Variants in CREB5 observed in about 807,000 individuals in gnomAD.
CREB5 encodes the protein cAMP responsive element binding protein 5.
A neutral mutation model predicts 57.1 loss-of-function variants in CREB5; 19 were observed. The observed-to-expected ratio is 0.33, with a 90% confidence interval of 0.23 to 0.49. The LOEUF is 0.49. CREB5 is among the 20% of genes least tolerant of loss of function. The probability of loss-of-function intolerance (pLI) is 0.99; values close to 1 mark genes in which losing one functional copy is unlikely to be tolerated. For synonymous variants in CREB5, 238 were observed against 238.3 expected (o/e 1.00, Z 0.01); for missense variants, 579 against 671.6 (o/e 0.86, Z 1.52).
intron 7 of CREB5, among the ~76,000 whole-genome samples, chr7:28,737,539 GTATA>G (rs59294932): frequency 0.032 from 847 of 26,416 alleles, 12 homozygotes; most frequent in Admixed American, 0.064. Context: ...ATATATATAC[GTATA>G]TATATATATA....
intron 7 of CREB5, among the ~76,000 whole-genome samples, chr7:28,796,180 C>T (rs976671103): frequency 1.4e-4 from 22 of 152,282 alleles, no homozygotes; most frequent in Non-Finnish European, 3.2e-4. Flanking sequence ...AACCATTAAG[C>T]AGTGACTTAA....
intron 1 of CREB5, among the ~76,000 whole-genome samples, chr7:28,301,130 T>C (rs561992567): frequency 2.6e-4 from 40 of 152,372 alleles, no homozygotes; most frequent in African/African-American, 9.4e-4. Context: ...ACCACCGCTC[T>C]AACAGAAAAG....
intron 5 of CREB5, among the ~76,000 whole-genome samples, chr7:28,577,167 C>T (rs2128653903): frequency 6.6e-6 from 1 of 152,316 alleles, no homozygotes; most frequent in Middle Eastern, 3.4e-3. Context: ...GGCCTGGTTT[C>T]CTTTACCTAC....
At chr7:28,326,973 C>A (rs1460402986) in intron 1 of CREB5, among the ~76,000 whole-genome samples, 1 of 152,026 alleles carries the variant, frequency 6.6e-6, no homozygotes, top group East Asian at 1.9e-4. Context: ...CACGGCGAAA[C>A]CCTGTCTTGA....
chr7:28,819,202 T>G lies in CREB5; in HGVS notation c.1450T>G (p.Ser484Ala). The G allele has an allele frequency of 6.2e-7, 1 of 1,613,902 alleles. No individual in the cohort carries two copies. Among genetic ancestry groups the G allele is most frequent in the South Asian group, 1.1e-5 (1 of 91,076 alleles). Reference protein sequence around the residue: ...IQHNTITTSSSVSEVVGSSTL... With the variant: ...IQHNTITTSSAVSEVVGSSTL... ...GCATAATACCATCACTACTTCCTCA[T>G]CGGTCAGCGAGGTGGTAGGAAGCTC... Residue 484 changes from serine to alanine, a missense_variant, in exon 11 of 11, where the codon TCG (serine) becomes GCG (alanine). Physicochemically the swap from Ser to Ala is moderately conservative, Grantham distance 99. Coordinates refer to ENST00000357727, the MANE Select transcript of CREB5 (RefSeq NM_182898.4).
rs1012759994 is a variant in CREB5 at position 28,577,744 on chromosome 7, A to G, written c.464+7207A>G. Among the ~76,000 whole-genome samples, 3 of 152,188 alleles carry G rather than the reference A, an allele frequency of 2.0e-5. 1 individual carries two copies. The highest frequency in any genetic ancestry group is 3.8e-4 in the East Asian group (2 of 5,202). On this transcript the variant is annotated intron_variant, in intron 5 of 10. Transcript: ENST00000357727. ...ATTGGGGGGTGGGGTACCACTAGAA[A>G]ATTCTTGAAGTTCTTTTCAGCACTA...
chr7:28,632,903 C>A (rs1334918823), intron 5 of CREB5, among the ~76,000 whole-genome samples: 4 of 152,176 alleles, frequency 2.6e-5, no homozygotes, highest in Non-Finnish European at 4.4e-5. Context: ...TCAAGGCTGG[C>A]ATCTATCCTG....
chr7:28,800,879 C>T (rs1396372159), intron 7 of CREB5, among the ~76,000 whole-genome samples: 1 of 152,214 alleles, frequency 6.6e-6, no homozygotes, highest in African/African-American at 2.4e-5. Context: ...TCATTTCTCT[C>T]TTTGGCAAAG....
chr7:28,767,280 A>C (rs1347201857), intron 7 of CREB5, among the ~76,000 whole-genome samples: 1 of 152,190 alleles, frequency 6.6e-6, no homozygotes, highest in Non-Finnish European at 1.5e-5. Flanking sequence ...TGTGTACCAG[A>C]CTGGGCTACA....
chr7:28,464,896 C>A (rs1790501224), intron 1 of CREB5, among the ~76,000 whole-genome samples: 3 of 152,048 alleles, frequency 2.0e-5, no homozygotes, highest in African/African-American at 7.2e-5. Context: ...GTCACAACAA[C>A]CCTTTGAGAT....
chr7:28,643,101 T>G lies in CREB5; in HGVS notation c.464+72564T>G, dbSNP rs1798745128. On this transcript the variant is annotated intron_variant, in intron 5 of 10. Transcript: ENST00000357727. Reference sequence around the variant, plus strand: ...AAGCCAGTTCCTCGAGAATAAATTCTCAATTGTCGGGTCCTGAGGGTTTGC... The same window carrying G: ...AAGCCAGTTCCTCGAGAATAAATTCGCAATTGTCGGGTCCTGAGGGTTTGC... Among the ~76,000 whole-genome samples, 5 of 151,956 alleles carry G rather than the reference T, an allele frequency of 3.3e-5. No individual in the cohort carries two copies. The South Asian group carries it at 1.0e-3, about 32-fold the overall frequency.
In CREB5 at chr7:28,403,637, GC is replaced by G. The variant is rs1787519694; in HGVS notation, c.-24-91268del. 3.3e-5 allele frequency among the ~76,000 whole-genome samples: 5 copies of G among 152,204 alleles called. No individual in the cohort carries two copies. The South Asian group carries it at 1.0e-3, about 32-fold the overall frequency. On this transcript the variant is annotated intron_variant, in intron 1 of 9. Transcript: ENST00000396299. Reference sequence around the variant, plus strand: ...CAAGGCTACGGCTGTCAAATCTCTTGCTGTCTGCTGCCTTTCCTCTCAGCAT... The same window carrying G: ...CAAGGCTACGGCTGTCAAATCTCTTGTGTCTGCTGCCTTTCCTCTCAGCAT...
intron 1 of CREB5, among the ~76,000 whole-genome samples, chr7:28,404,561 C>T (rs1787539136): frequency 6.6e-6 from 1 of 152,146 alleles, no homozygotes; most frequent in Admixed American, 6.5e-5. Flanking sequence ...TGCACATGCT[C>T]CACCAGGCTT....
intron 7 of CREB5, among the ~76,000 whole-genome samples, chr7:28,726,450 A>G (rs561363125): frequency 1.2e-3 from 177 of 152,302 alleles, no homozygotes; most frequent in Non-Finnish European, 1.9e-3. Flanking sequence ...TTATTGCCAT[A>G]TACTAACCAT....
At chr7:28,672,540 C>G (rs1800101993) in intron 5 of CREB5, among the ~76,000 whole-genome samples, 1 of 152,148 alleles carries the variant, frequency 6.6e-6, no homozygotes, top group African/African-American at 2.4e-5. Context: ...CTGATAAACT[C>G]TGATTGACAG....
intron 1 of CREB5, among the ~76,000 whole-genome samples, chr7:28,339,393 C>G (rs887490523): frequency 1.8e-4 from 27 of 152,132 alleles, no homozygotes; most frequent in Non-Finnish European, 4.4e-5. Context: ...TTAGAGATAC[C>G]AGTTTGGTGG....
chr7:28,477,925 G>A (rs1791150942), intron 1 of CREB5, among the ~76,000 whole-genome samples: 2 of 152,158 alleles, frequency 1.3e-5, no homozygotes, highest in South Asian at 4.2e-4. Flanking sequence ...GACCAGCCTG[G>A]GCAACACAGG....
At chr7:28,464,597 G>C (rs1583495035) in intron 1 of CREB5, among the ~76,000 whole-genome samples, 1 of 149,654 alleles carries the variant, frequency 6.7e-6, no homozygotes, top group African/African-American at 2.5e-5. Context: ...TTTTTCTTGA[G>C]TCATTTTTGG....
At chr7:28,385,725 A>C (rs1217623948) in intron 1 of CREB5, among the ~76,000 whole-genome samples, 2 of 152,192 alleles carry the variant, frequency 1.3e-5, no homozygotes, top group African/African-American at 4.8e-5. Context: ...GTAAAATGGT[A>C]TGAGTTTTTT....
Sources: gnomAD v4.1 joint callset for allele counts (sites outside exome capture counted in the v4.1 genomes callset) on GRCh38, gnomAD v4.1.1 for gene constraint, MANE v1.5 for transcripts, NCBI Gene and HGNC (gene_info 2026-07-23, HGNC 2026-07-21) for gene names.